The following DLG5 variants were observed in gnomAD, a reference collection of about 807,000 sequenced individuals.
DLG5 encodes the protein disks large homolog 5.
In DLG5, 48 loss-of-function variants were observed where a neutral mutation model predicts 189.8. The ratio of observed to expected loss-of-function variants is 0.25; its 90% confidence interval spans 0.20 to 0.32. The LOEUF (loss-of-function observed/expected upper bound fraction) is 0.32. DLG5 is among the 10% of genes least tolerant of loss of function. The pLI is 1.00. For synonymous variants in DLG5, 1,016 were observed against 1,054.1 expected (o/e 0.96, Z 0.70); for missense variants, 2,160 against 2,544.7 (o/e 0.85, Z 3.25).
chr10:77,859,434 T>G (rs1240192867), intron 2 of DLG5, among the ~76,000 whole-genome samples: 1 of 152,206 alleles, frequency 6.6e-6, no homozygotes, highest in Non-Finnish European at 1.5e-5. Context: ...TCCTGCAAGC[T>G]CCATTCATGT....
intron 1 of DLG5, among the ~76,000 whole-genome samples, chr10:77,883,105 AAC>A (rs1409106135): frequency 5.3e-5 from 8 of 152,118 alleles, no homozygotes; most frequent in African/African-American, 1.7e-4. Flanking sequence ...AGGGTTTTTG[AAC>A]ACAGGAATAA....
At chr10:77,873,030 T>TGTGTGTGCGC (rs139841331) in intron 1 of DLG5, among the ~76,000 whole-genome samples, 2 of 105,446 alleles carry the variant, frequency 1.9e-5, no homozygotes, top group African/African-American at 7.2e-5. Flanking sequence ...TGTGTGTGTG[T>TGTGTGTGCGC]GCACACACAC....
intron 1 of DLG5, among the ~76,000 whole-genome samples, chr10:77,902,733 G>A (rs1352049554): frequency 6.6e-6 from 1 of 152,052 alleles, no homozygotes; most frequent in African/African-American, 2.4e-5. Flanking sequence ...GGTGGCATGC[G>A]CTTGTAGTCC....
At chr10:77,829,625 G>T in intron 11 of DLG5, 95 bp from the exon 12 acceptor site, 4 of 1,417,232 alleles carry the variant, frequency 2.8e-6, no homozygotes, top group Non-Finnish European at 2.9e-6. Context: ...CTGCCAAGGA[G>T]TGGGTGCCTC....
intron 22 of DLG5, 60 bp from the exon 23 acceptor site, chr10:77,811,294 C>T: frequency 6.4e-7 from 1 of 1,567,100 alleles, no homozygotes; most frequent in Non-Finnish European, 8.6e-7. Flanking sequence ...GCCACCCCCA[C>T]TCCTGTGGCA....
At chr10:77,877,218 T>C (rs1045840714) in intron 1 of DLG5, among the ~76,000 whole-genome samples, 14 of 151,822 alleles carry the variant, frequency 9.2e-5, no homozygotes, top group Non-Finnish European at 1.9e-4. Flanking sequence ...AAACAAAACA[T>C]GTGCACCCCA....
At chr10:77,880,356 G>A (rs1470350956) in intron 1 of DLG5, among the ~76,000 whole-genome samples, 1 of 152,046 alleles carries the variant, frequency 6.6e-6, no homozygotes, top group Non-Finnish European at 1.5e-5. Flanking sequence ...CAGGAGGCTG[G>A]GGCAAGAGAA....
chr10:77,857,104 C>T (rs1302188502), intron 2 of DLG5, among the ~76,000 whole-genome samples: 1 of 152,128 alleles, frequency 6.6e-6, no homozygotes, highest in African/African-American at 2.4e-5. Context: ...AGCATCCAAG[C>T]ACTCAACAAC....
At chr10:77,927,999 CCCTT>C (rs1481783318), upstream of DLG5, 1 of 152,232 alleles carries the variant, frequency 6.6e-6, no homozygotes, top group Non-Finnish European at 1.5e-5. Flanking sequence ...CATGCCTCCT[CCCTT>C]CCCTCAAAAA....
upstream of DLG5, chr10:77,927,798 ACACATACTGCTTACCT>A (rs1846742957): frequency 6.6e-6 from 1 of 152,250 alleles, no homozygotes; most frequent in South Asian, 2.1e-4. Flanking sequence ...CCGTTTGTGG[ACACATACTGCTTACCT>A]CCCTGACTGC....
intron 27 of DLG5, among the ~76,000 whole-genome samples, chr10:77,798,391 G>A (rs1250148194): frequency 1.3e-5 from 2 of 152,158 alleles, no homozygotes; most frequent in South Asian, 2.1e-4. Flanking sequence ...AACTTCCTCC[G>A]AGAGGAGTTT....
intron 13 of DLG5, among the ~76,000 whole-genome samples, chr10:77,828,486 C>CAAAAAAAAA (rs34839290): frequency 9.0e-5 from 6 of 66,426 alleles, no homozygotes; most frequent in East Asian, 5.7e-4. Context: ...GACTCCATAT[C>CAAAAAAAAA]AAAAAAAAAA....
chr10:77,861,495 T>C (rs1386603119), intron 2 of DLG5, among the ~76,000 whole-genome samples: 1 of 152,168 alleles, frequency 6.6e-6, no homozygotes, highest in Non-Finnish European at 1.5e-5. Context: ...AAGGAGGGGC[T>C]CAGAGCCATC....
chr10:77,842,298 C>T (rs1031906479), intron 6 of DLG5, 105 bp from the exon 7 acceptor site: 25 of 1,380,412 alleles, frequency 1.8e-5, no homozygotes, highest in Admixed American at 1.1e-4. Flanking sequence ...GACAGTCAAG[C>T]GTGAAGTTTC....
the DLG5 span, among the ~76,000 whole-genome samples, chr10:77,932,121 A>G: frequency 6.6e-6 from 1 of 152,216 alleles, no homozygotes; most frequent in Non-Finnish European, 1.5e-5. Flanking sequence ...GGGGATGTCA[A>G]TAATAGTATC....
At chr10:77,918,698 CG>C (rs1345618250) in intron 1 of DLG5, among the ~76,000 whole-genome samples, 2 of 151,250 alleles carry the variant, frequency 1.3e-5, no homozygotes, top group African/African-American at 4.9e-5. Context: ...AGGTAAAAGG[CG>C]AAAAAAAAAT....
Position 77,860,367 on chromosome 10 carries a change from G to A in DLG5, c.374-3475C>T, listed in dbSNP as rs577730992. On this transcript the variant is annotated intron_variant, in intron 2 of 31. Transcript: ENST00000372391. ...GGCTGGAGTGCAGTGGCGCGATCTC[G>A]GCTCACCGCAACCTCCACCTCCTGG... 1.6e-4 allele frequency among the ~76,000 whole-genome samples: 24 copies of A among 152,216 alleles called. No homozygotes were observed. In the South Asian group the frequency reaches 4.8e-3, roughly 30 times the overall value.
At chr10:77,829,011 T>C in intron 12 of DLG5, 26 bp from the exon 13 acceptor site, 1 of 1,609,812 alleles carries the variant, frequency 6.2e-7, no homozygotes, top group Non-Finnish European at 8.5e-7. Context: ...GGTCACTGGG[T>C]AGCCCCTGGC....
chr10:77,935,007 G>C, the DLG5 span, among the ~76,000 whole-genome samples: 2 of 151,954 alleles, frequency 1.3e-5, no homozygotes, highest in Non-Finnish European at 2.9e-5. Context: ...ACAGGCGCCC[G>C]CCACCACACC....
Sources: allele counts gnomAD v4.1 joint callset (sites outside exome capture counted in the v4.1 genomes callset), GRCh38; gene constraint gnomAD v4.1.1; transcripts MANE v1.5; gene names NCBI Gene and HGNC (gene_info 2026-07-23, HGNC 2026-07-21).